Variants in ZNF518A observed in about 807,000 individuals in gnomAD.
ZNF518A encodes zinc finger protein 518.
Under a neutral mutation model 102.7 loss-of-function variants are expected in ZNF518A, and 47 were observed. The ratio of observed to expected loss-of-function variants is 0.46; its 90% confidence interval spans 0.36 to 0.58. The LOEUF (loss-of-function observed/expected upper bound fraction) is 0.58. Among genes scored for constraint, ZNF518A ranks in the 20% least tolerant of loss-of-function variants. ZNF518A has a pLI of 0.00. For missense variants in ZNF518A, 1,793 were observed against 1,699.8 expected (o/e 1.05, Z -0.96); for synonymous variants, 652 against 594.6 (o/e 1.10, Z -1.40).
chr10:96,168,588 G>A (rs1245493809), downstream of ZNF518A, among the ~76,000 whole-genome samples: 1 of 151,662 alleles, frequency 6.6e-6, no homozygotes, highest in Admixed American at 6.6e-5. Flanking sequence ...TAATTTTTCT[G>A]TTTAAAAGAA....
At chr10:96,182,481 C>T (rs1335839286) in intron 1 of ZNF518A, among the ~76,000 whole-genome samples, 1 of 152,116 alleles carries the variant, frequency 6.6e-6, no homozygotes, top group East Asian at 1.9e-4. Flanking sequence ...TCATAAATAG[C>T]TCTTATTATT....
intron 4 of ZNF518A, chr10:96,155,587 T>A (rs1486456545): frequency 6.6e-6 from 1 of 152,226 alleles, no homozygotes; most frequent in Non-Finnish European, 1.5e-5. Flanking sequence ...TTTTTGTTCT[T>A]TTTGTTTGGT....
Position 96,130,651 on chromosome 10 carries a change from C to G in ZNF518A, c.-554C>G, listed in dbSNP as rs1564734039. On this transcript the variant is annotated 5_prime_UTR_variant, in exon 1 of 6. Transcript: ENST00000316045. Reference sequence around the variant, plus strand: ...CTATAGGTTCGCAGGCCCGACTCGACGGCGTCCCTATTGCTGGCCCAGCGT... The same window carrying G: ...CTATAGGTTCGCAGGCCCGACTCGAGGGCGTCCCTATTGCTGGCCCAGCGT... 1 of 152,362 alleles carries G rather than the reference C, an allele frequency of 6.6e-6. No homozygotes were observed. The highest frequency in any genetic ancestry group is 6.5e-5 in the Admixed American group (1 of 15,288). The allele number at this position is 152,362 out of a possible 1,614,324, so 9.4% of individuals were successfully genotyped here.
chr10:96,147,287 C>T (rs1211973992), intron 3 of ZNF518A, among the ~76,000 whole-genome samples: 1 of 152,168 alleles, frequency 6.6e-6, no homozygotes, highest in African/African-American at 2.4e-5. Flanking sequence ...GATGGAAGTC[C>T]TCAGTGTGTC....
chr10:96,199,639 A>G (rs782789974), intron 1 of ZNF518A: 6 of 408,334 alleles, frequency 1.5e-5, no homozygotes, highest in Non-Finnish European at 3.0e-5. Context: ...CCTTGTATCT[A>G]CACTTGTTGC....
At chr10:96,178,423 A>G (rs1175252463) in intron 1 of ZNF518A, among the ~76,000 whole-genome samples, 2 of 152,084 alleles carry the variant, frequency 1.3e-5, no homozygotes, top group South Asian at 2.1e-4. Context: ...TGAGAAATCT[A>G]TATTACAATT....
chr10:96,166,072 A>G (rs2083138196), downstream of ZNF518A, among the ~76,000 whole-genome samples: 1 of 152,180 alleles, frequency 6.6e-6, no homozygotes, highest in Non-Finnish European at 1.5e-5. Flanking sequence ...CTGATGTCCA[A>G]GGGCATGAAA....
At chr10:96,189,040 G>A (rs1281819745) in intron 1 of ZNF518A, among the ~76,000 whole-genome samples, 1 of 152,104 alleles carries the variant, frequency 6.6e-6, no homozygotes, top group Non-Finnish European at 1.5e-5. Context: ...TAGAAACCAT[G>A]CTACTTTATT....
At chr10:96,182,146 A>T (rs1375555505) in intron 1 of ZNF518A, among the ~76,000 whole-genome samples, 6 of 152,204 alleles carry the variant, frequency 3.9e-5, no homozygotes, top group African/African-American at 1.4e-4. Flanking sequence ...TTATTGGTGT[A>T]TAGGAATGCT....
intron 1 of ZNF518A, among the ~76,000 whole-genome samples, chr10:96,190,753 A>G (rs2133904470): frequency 6.6e-6 from 1 of 152,344 alleles, no homozygotes; most frequent in South Asian, 2.1e-4. Context: ...TGAAGTACAC[A>G]GTAGAAATAT....
Position 96,160,919 on chromosome 10 carries a change from G to A in ZNF518A, c.*145G>A. On this transcript the variant is annotated 3_prime_UTR_variant, in exon 6 of 6. Transcript: ENST00000316045. The stretch of plus-strand genomic sequence containing the variant: ...AAGTTGATTGTATTTCTGTGGAAGA[G>A]TAAAAGTTGTATGTATGATATTTGA... 1 of 879,270 alleles carries A rather than the reference G, an allele frequency of 1.1e-6. No individual in the cohort carries two copies. The highest frequency in any genetic ancestry group is 1.6e-6 in the Non-Finnish European group (1 of 625,614). The allele number at this position is 879,270 out of a possible 1,614,324, so 54.5% of individuals were successfully genotyped here.
chr10:96,179,154 G>T (rs2083223566), intron 1 of ZNF518A, among the ~76,000 whole-genome samples: 1 of 152,010 alleles, frequency 6.6e-6, no homozygotes, highest in African/African-American at 2.4e-5. Context: ...AATCCTTAAT[G>T]TATTAGCATT....
At chr10:96,172,827 T>C (rs2083181366) in intron 1 of ZNF518A, among the ~76,000 whole-genome samples, 1 of 152,068 alleles carries the variant, frequency 6.6e-6, no homozygotes, top group African/African-American at 2.4e-5. Context: ...ACTATATTAA[T>C]ATAACATTAA....
intron 3 of ZNF518A, among the ~76,000 whole-genome samples, chr10:96,134,371 T>C (rs915883885): frequency 6.6e-6 from 1 of 152,100 alleles, no homozygotes; most frequent in Non-Finnish European, 1.5e-5. Context: ...GCTGGGACTA[T>C]AGGCGCATGC....
At position 96,140,152 on chromosome 10, in the gene ZNF518A, C is replaced by T. The variant is rs186595641; in HGVS notation, c.-302+6504C>T. On this transcript the variant is annotated intron_variant, in intron 3 of 5. Transcript: ENST00000316045. ...GGATTACAGGTGTGAGCCACCTCGC[C>T]CGGCCCAAGATCTGGTTTTGAGATG... 1.4e-3 allele frequency among the ~76,000 whole-genome samples: 208 copies of T among 152,278 alleles called. 1 individual carries two copies. The highest frequency in any genetic ancestry group is 4.3e-3 in the Admixed American group (65 of 15,294).
At position 96,177,693 on chromosome 10, in the gene ZNF518A, A is replaced by C. The variant is rs11188647; in HGVS notation, n.35+21646A>C. Among the ~76,000 whole-genome samples the C allele has an allele frequency of 0.03, 4,588 of 152,192 alleles. 752 individuals carry two copies. The East Asian group carries it at 0.49, about 16-fold the overall frequency. On this transcript the variant is annotated intron_variant and non_coding_transcript_variant, in intron 1 of 2. Transcript: ENST00000442635. ...TTACTAAGAGAATATTGAAGATAAA[A>C]TAGATTTTAAAACCTCAAGCCAACA...
intron 3 of ZNF518A, among the ~76,000 whole-genome samples, chr10:96,138,852 T>C (rs1228034496): frequency 6.6e-6 from 1 of 150,696 alleles, no homozygotes; most frequent in East Asian, 1.9e-4. Context: ...TAGAGACAGA[T>C]AGAAAATAAA....
chr10:96,154,087 G>A (rs1158444699), intron 3 of ZNF518A, among the ~76,000 whole-genome samples: 2 of 152,100 alleles, frequency 1.3e-5, no homozygotes, highest in Non-Finnish European at 2.9e-5. Flanking sequence ...ACATGATTTA[G>A]TAATACTATT....
At chr10:96,166,161 C>T (rs782072964), downstream of ZNF518A, among the ~76,000 whole-genome samples, 2 of 152,282 alleles carry the variant, frequency 1.3e-5, no homozygotes, top group Non-Finnish European at 1.5e-5. Context: ...AGCTTTTTCT[C>T]TTTTCCTTCT....
Sources: gnomAD v4.1 joint callset for allele counts (sites outside exome capture counted in the v4.1 genomes callset) on GRCh38, gnomAD v4.1.1 for gene constraint, MANE v1.5 for transcripts, NCBI Gene and HGNC (gene_info 2026-07-23, HGNC 2026-07-21) for gene names.